ZNF469: variants seen among roughly 807,000 people sequenced by gnomAD.
ZNF469 encodes the protein zinc finger protein 469.
In ZNF469, 1 loss-of-function variant was observed where a neutral mutation model predicts 1.0. The observed-to-expected ratio is 1.00, with a 90% confidence interval of 0.35 to 4.73. ZNF469 has a LOEUF of 4.73. ZNF469 is among the 30% of genes most tolerant of loss of function. ZNF469 has a pLI of 0.16. For missense variants in ZNF469, 6,100 were observed against 5,356.3 expected, an observed-to-expected ratio of 1.14 and a Z score of -4.33; for synonymous variants, 2,703 against 2,363.4, an observed-to-expected ratio of 1.14 and a Z score of -4.17.
At chr16:88,272,191 G>A in the ZNF469 span, among the ~76,000 whole-genome samples, 7 of 138,298 alleles carry the variant, frequency 5.1e-5, no homozygotes, top group Admixed American at 1.5e-4. Context: ...GATGAATTGC[G>A]GGTTGTTAGA....
chr16:88,229,309 C>A, the ZNF469 span, among the ~76,000 whole-genome samples: 19 of 152,222 alleles, frequency 1.2e-4, no homozygotes, highest in African/African-American at 4.3e-4. Context: ...GCCCGTCAGG[C>A]GGCAGGAACC....
chr16:88,239,996 C>G, the ZNF469 span, among the ~76,000 whole-genome samples: 19 of 150,198 alleles, frequency 1.3e-4, no homozygotes, highest in African/African-American at 4.4e-4. Flanking sequence ...TGCCCAGGCC[C>G]CATTGGCGGT....
chr16:88,298,111 C>A, the ZNF469 span, among the ~76,000 whole-genome samples: 1 of 152,166 alleles, frequency 6.6e-6, no homozygotes, highest in Non-Finnish European at 1.5e-5. Context: ...GCAGATGTAA[C>A]CCCGCCATCC....
chr16:88,160,566 G>C, the ZNF469 span, among the ~76,000 whole-genome samples: 1 of 152,178 alleles, frequency 6.6e-6, no homozygotes, highest in African/African-American at 2.4e-5. Flanking sequence ...AGGCCTGAGA[G>C]GAGCCACCAG....
chr16:88,238,341 G>C, the ZNF469 span, among the ~76,000 whole-genome samples: 1 of 152,180 alleles, frequency 6.6e-6, no homozygotes, highest in Non-Finnish European at 1.5e-5. Context: ...TGACACACAG[G>C]GGTCCCTCCC....
At chr16:88,257,579 A>G in the ZNF469 span, among the ~76,000 whole-genome samples, 423 of 152,284 alleles carry the variant, frequency 2.8e-3, 2 homozygotes, top group African/African-American at 9.6e-3. Context: ...CTAAAAAGTC[A>G]TTGCCAAACC....
At chr16:88,306,642 T>C in the ZNF469 span, among the ~76,000 whole-genome samples, 1,782 of 152,252 alleles carry the variant, frequency 0.012, 33 homozygotes, top group African/African-American at 0.04. Flanking sequence ...CGGCATTGCT[T>C]GATGCTGTTG....
chr16:88,291,378 C>T, the ZNF469 span, among the ~76,000 whole-genome samples: 11 of 152,158 alleles, frequency 7.2e-5, no homozygotes, highest in African/African-American at 2.7e-4. Flanking sequence ...CCTGAGCTAT[C>T]GGACGTAGAA....
the ZNF469 span, among the ~76,000 whole-genome samples, chr16:88,358,258 C>T: frequency 2.0e-5 from 3 of 152,202 alleles, no homozygotes; most frequent in African/African-American, 7.2e-5. Context: ...GGGCTCGGAC[C>T]TCAGACCCCC....
At position 88,433,729 on chromosome 16, in the gene ZNF469, G is replaced by A. The variant is rs144986357; in HGVS notation, c.6259G>A (p.Ala2087Thr). Residue 2087 changes from alanine to threonine, a missense_variant, in exon 3 of 3, where the codon GCG becomes ACG. Ala to Thr is a moderately conservative substitution (Grantham distance 58, BLOSUM62 0). Coordinates refer to ENST00000565624, the MANE Select transcript of ZNF469 (RefSeq NM_001367624.2). Reference sequence around the variant, plus strand: ...ATCTGAGGGCCGGACTCCAGAGAGGGCGTCCAGCCCCGGCCTGAACAAGCC... The same window carrying A: ...ATCTGAGGGCCGGACTCCAGAGAGGACGTCCAGCCCCGGCCTGAACAAGCC... ...SGSEGRTPER[A>T]SSPGLNKPLL... 6.2e-4 allele frequency: 954 copies of A among 1,548,832 alleles called. 12 individuals carry two copies. The African/African-American group carries it at 0.012, about 19-fold the overall frequency.
At chr16:88,129,022 TGTGCTTACAGGTACA>T in the ZNF469 span, among the ~76,000 whole-genome samples, 3 of 152,264 alleles carry the variant, frequency 2.0e-5, no homozygotes, top group Non-Finnish European at 4.4e-5. Flanking sequence ...ATGATGGCGC[TGTGCTTACAGGTACA>T]GCATTAAGTG....
chr16:88,247,560 CTGAG>C, the ZNF469 span, among the ~76,000 whole-genome samples: 1,294 of 75,322 alleles, frequency 0.017, 20 homozygotes, highest in African/African-American at 0.04. Context: ...GAATGAGTGA[CTGAG>C]TGAGTGACTG....
chr16:88,325,402 C>G, the ZNF469 span, among the ~76,000 whole-genome samples: 64 of 152,366 alleles, frequency 4.2e-4, no homozygotes, highest in African/African-American at 1.5e-3. Flanking sequence ...GCACAATTTC[C>G]ACCCAGAGCA....
intron 1 of ZNF469, among the ~76,000 whole-genome samples, chr16:88,401,594 G>C (rs1465238950): frequency 2.1e-5 from 3 of 140,266 alleles, no homozygotes; most frequent in East Asian, 2.1e-4. Context: ...TGAATAGGTA[G>C]ATGGATGGAT....
chr16:88,396,560 G>T (rs112421632), intron 1 of ZNF469, among the ~76,000 whole-genome samples: 29,101 of 139,788 alleles, frequency 0.21, 1,643 homozygotes, highest in African/African-American at 0.31. Flanking sequence ...CCTCCTGAAG[G>T]GAGGCCAGAT....
the ZNF469 span, among the ~76,000 whole-genome samples, chr16:88,239,884 A>G: frequency 6.2e-3 from 912 of 148,104 alleles, 10 homozygotes; most frequent in African/African-American, 0.021. Flanking sequence ...TCTCTTAATG[A>G]CAGTGTTATC....
intron 1 of ZNF469, among the ~76,000 whole-genome samples, chr16:88,412,077 G>C (rs1055478830): frequency 4.5e-4 from 5 of 11,192 alleles, no homozygotes; most frequent in African/African-American, 2.0e-3. Context: ...GAGGTGCAGG[G>C]GGCGGGGGGT....
At chr16:88,290,082 A>G in the ZNF469 span, among the ~76,000 whole-genome samples, 1 of 152,220 alleles carries the variant, frequency 6.6e-6, no homozygotes, top group Admixed American at 6.5e-5. Flanking sequence ...AGCGATGGAC[A>G]TCGTGGGTGA....
At chr16:88,331,509 C>G in the ZNF469 span, among the ~76,000 whole-genome samples, 4 of 147,714 alleles carry the variant, frequency 2.7e-5, no homozygotes, top group Admixed American at 2.0e-4. Context: ...ATCACCACCA[C>G]CATCATCCTC....
Sources: gnomAD v4.1 joint callset for allele counts (sites outside exome capture counted in the v4.1 genomes callset) on GRCh38, gnomAD v4.1.1 for gene constraint, MANE v1.5 for transcripts, NCBI Gene and HGNC (gene_info 2026-07-23, HGNC 2026-07-21) for gene names.